ADCY2: variants seen among roughly 807,000 people sequenced by gnomAD.
ADCY2 encodes adenylate cyclase 2.
A neutral mutation model predicts 125.2 loss-of-function variants in ADCY2; 31 were observed. That is an observed-to-expected ratio of 0.25 (90% CI 0.19 to 0.33). The LOEUF is 0.33. ADCY2 is among the 10% of genes least tolerant of loss of function. The pLI is 1.00. For missense variants in ADCY2, 904 were observed against 1,418.2 expected, an observed-to-expected ratio of 0.64 and a Z score of 5.82; for synonymous variants, 512 against 548.4, an observed-to-expected ratio of 0.93 and a Z score of 0.93.
intron 2 of ADCY2, among the ~76,000 whole-genome samples, chr5:7,425,807 C>T (rs979702106): frequency 3.9e-5 from 6 of 152,184 alleles, no homozygotes; most frequent in Non-Finnish European, 8.8e-5. Flanking sequence ...ATATTTTATA[C>T]TATCATGGTA....
At chr5:7,755,513 A>G (rs926103447) in intron 15 of ADCY2, among the ~76,000 whole-genome samples, 1 of 152,178 alleles carries the variant, frequency 6.6e-6, no homozygotes, top group Non-Finnish European at 1.5e-5. Context: ...TCTAAGAAAC[A>G]TTGTGTTTTC....
At chr5:7,513,106 C>CACACACACAG (rs777343291) in intron 2 of ADCY2, among the ~76,000 whole-genome samples, 1,782 of 138,434 alleles carry the variant, frequency 0.013, 19 homozygotes, top group Non-Finnish European at 0.019. Context: ...CACACACACA[C>CACACACACAG]AGAGAGAGAG....
At chr5:7,472,537 A>G in intron 2 of ADCY2, among the ~76,000 whole-genome samples, 1 of 152,224 alleles carries the variant, frequency 6.6e-6, no homozygotes, top group East Asian at 1.9e-4. Flanking sequence ...GTAGATATAT[A>G]TATGGTTTAT....
At chr5:7,723,694 G>A (rs549770669) in intron 12 of ADCY2, among the ~76,000 whole-genome samples, 10 of 151,972 alleles carry the variant, frequency 6.6e-5, no homozygotes, top group South Asian at 2.1e-4. Context: ...AGACTGAGGC[G>A]CGTGGACCAC....
At chr5:7,530,903 T>C (rs1486990956) in intron 3 of ADCY2, among the ~76,000 whole-genome samples, 1 of 151,996 alleles carries the variant, frequency 6.6e-6, no homozygotes, top group Non-Finnish European at 1.5e-5. Context: ...TATTCAACCC[T>C]CAGGACCTGG....
At chr5:7,621,395 ATG>A (rs112719699) in intron 3 of ADCY2, among the ~76,000 whole-genome samples, 13 of 152,374 alleles carry the variant, frequency 8.5e-5, no homozygotes, top group African/African-American at 3.1e-4. Flanking sequence ...AAAAAATAAC[ATG>A]TGTCTCTTTA....
In ADCY2 at chr5:7,548,370, G is replaced by A. The variant is rs187590339; in HGVS notation, c.570+27471G>A. Among the ~76,000 whole-genome samples the A allele has an allele frequency of 1.2e-3, 188 of 151,888 alleles. 1 individual carries two copies. The highest frequency in any genetic ancestry group is 4.3e-3 in the African/African-American group (179 of 41,448). ...ATGTTGTAAATTGTGTGTATATATA[G>A]GAGTGTGTGTATGTACAGGTATATA... On this transcript the variant is annotated intron_variant, in intron 3 of 24. Transcript: ENST00000338316.
At chr5:7,418,355 T>C (rs1189423644) in intron 2 of ADCY2, among the ~76,000 whole-genome samples, 1 of 152,120 alleles carries the variant, frequency 6.6e-6, no homozygotes, top group Non-Finnish European at 1.5e-5. Context: ...CGCCTGGGGA[T>C]GTTTCTGGGA....
intron 3 of ADCY2, among the ~76,000 whole-genome samples, chr5:7,569,270 G>A (rs1384007637): frequency 6.6e-6 from 1 of 152,126 alleles, no homozygotes; most frequent in East Asian, 1.9e-4. Context: ...CTGGATAACA[G>A]AGAGATCTAA....
chr5:7,492,024 G>A (rs1489331653), intron 2 of ADCY2, among the ~76,000 whole-genome samples: 1 of 152,240 alleles, frequency 6.6e-6, no homozygotes, highest in African/African-American at 2.4e-5. Context: ...GGTGTCACGG[G>A]GTGGAGGGCA....
chr5:7,690,629 T>A, intron 4 of ADCY2, 62 bp from the exon 5 acceptor site: 2 of 1,383,620 alleles, frequency 1.4e-6, no homozygotes, highest in Non-Finnish European at 1.9e-6. Flanking sequence ...ATCTCCAATG[T>A]TATTTGGTCA....
chr5:7,794,617 T>C (rs1744365963), intron 20 of ADCY2: 1 of 152,082 alleles, frequency 6.6e-6, no homozygotes, highest in South Asian at 2.1e-4. Context: ...TGAAAACACA[T>C]AATGAGGGTG....
chr5:7,438,525 C>A lies in ADCY2; in HGVS notation c.408+23755C>A, dbSNP rs369912838. Among the ~76,000 whole-genome samples, 12 of 152,262 alleles carry A rather than the reference C, an allele frequency of 7.9e-5. No homozygotes were observed. The Middle Eastern group carries it at 0.01, about 129-fold the overall frequency. ...CTTGGATGATGTAGGAGACCAACAT[C>A]TACTATAAAGAGAGGGACTCAGGGG... On this transcript the variant is annotated intron_variant, in intron 2 of 24. Coordinates refer to ENST00000338316, the MANE Select transcript of ADCY2 (RefSeq NM_020546.3).
intron 2 of ADCY2, among the ~76,000 whole-genome samples, chr5:7,426,408 C>A (rs576680183): frequency 6.6e-6 from 1 of 152,218 alleles, no homozygotes; most frequent in Non-Finnish European, 1.5e-5. Context: ...TGGTGTCTGG[C>A]GAGAATGGCT....
intron 19 of ADCY2, among the ~76,000 whole-genome samples, chr5:7,786,926 C>T (rs532714539): frequency 1.3e-5 from 2 of 152,300 alleles, no homozygotes; most frequent in East Asian, 3.9e-4. Context: ...ATCAGAAAAT[C>T]CCAGAACCGC....
chr5:7,671,574 C>T (rs923636202), intron 4 of ADCY2, among the ~76,000 whole-genome samples: 5 of 152,036 alleles, frequency 3.3e-5, no homozygotes, highest in African/African-American at 7.2e-5. Context: ...TGGAGACATC[C>T]GTGACAGCAT....
intron 4 of ADCY2, among the ~76,000 whole-genome samples, chr5:7,642,472 CTGTG>C (rs1189203838): frequency 6.6e-6 from 1 of 151,930 alleles, no homozygotes; most frequent in Non-Finnish European, 1.5e-5. Flanking sequence ...ATTCTGTAGG[CTGTG>C]TGTTTACAAT....
Position 7,813,560 on chromosome 5 carries a change from A to G in ADCY2, c.2884-3306A>G, listed in dbSNP as rs538359009. ...ATGTAACATGAATTATTCAGATAAT[A>G]GGAGAAATAACTGCTTCATACTGCC... On this transcript the variant is annotated intron_variant, in intron 22 of 24. Transcript: ENST00000338316. 1.0e-3 allele frequency among the ~76,000 whole-genome samples: 159 copies of G among 152,368 alleles called. 1 individual carries two copies. The highest frequency in any genetic ancestry group is 3.7e-3 in the African/African-American group (154 of 41,578).
chr5:7,699,890 G>C lies in ADCY2; in HGVS notation c.1109+1516G>C, dbSNP rs144153283. ...GGTATGCACTGCCTGACCCAGCCTA[G>C]TATTGTTACTATGAGCCTTAGACTA... is the stretch of plus-strand genomic sequence containing the variant. On this transcript the variant is annotated intron_variant, in intron 7 of 24. Coordinates refer to ENST00000338316, the MANE Select transcript of ADCY2 (RefSeq NM_020546.3). 3.0e-3 allele frequency among the ~76,000 whole-genome samples: 464 copies of C among 152,332 alleles called. 3 individuals are homozygous for C. The highest frequency in any genetic ancestry group is 5.7e-3 in the Non-Finnish European group (386 of 68,030).
Sources: gnomAD v4.1 joint callset for allele counts (sites outside exome capture counted in the v4.1 genomes callset) on GRCh38, gnomAD v4.1.1 for gene constraint, MANE v1.5 for transcripts, NCBI Gene and HGNC (gene_info 2026-07-23, HGNC 2026-07-21) for gene names.